CIROZ: variants seen among roughly 807,000 people sequenced by gnomAD.
CIROZ encodes ciliated left-right organizer ZP-N domains-containing protein.
At chr1:10,961,134 T>C in the CIROZ span, among the ~76,000 whole-genome samples, 1 of 152,216 alleles carries the variant, frequency 6.6e-6, no homozygotes, top group African/African-American at 2.4e-5. Context: ...TCTGCTTTTC[T>C]CAGCAATTCG....
At chr1:10,961,501 A>G in the CIROZ span, among the ~76,000 whole-genome samples, 1 of 152,204 alleles carries the variant, frequency 6.6e-6, no homozygotes, top group Non-Finnish European at 1.5e-5. Flanking sequence ...GGGCTGGTGC[A>G]GGGGCCCTTC....
At chr1:10,949,543 C>T in the CIROZ span, 1 of 1,496,546 alleles carries the variant, frequency 6.7e-7, no homozygotes, top group Non-Finnish European at 9.1e-7. Context: ...GGGCCTCAGG[C>T]CCAGCTGGGT....
the CIROZ span, among the ~76,000 whole-genome samples, chr1:10,966,025 G>A: frequency 1.3e-4 from 20 of 152,270 alleles, no homozygotes; most frequent in African/African-American, 4.6e-4. Flanking sequence ...GCCTGTGGGT[G>A]TGACTGCCTC....
At chr1:10,980,713 G>A in the CIROZ span, among the ~76,000 whole-genome samples, 1 of 152,180 alleles carries the variant, frequency 6.6e-6, no homozygotes, top group Non-Finnish European at 1.5e-5. Context: ...TCCGTCTGAT[G>A]CCTGCTCCTG....
At chr1:10,978,511 C>A in the CIROZ span, among the ~76,000 whole-genome samples, 5 of 151,820 alleles carry the variant, frequency 3.3e-5, no homozygotes, top group South Asian at 1.0e-3. Context: ...GAGTTTGAGA[C>A]CAGCCTGGGC....
the CIROZ span, chr1:10,976,028 G>A: frequency 2.9e-6 from 2 of 696,900 alleles, no homozygotes. Context: ...TCCACGCTTT[G>A]GTGAAGGCTT....
the CIROZ span, among the ~76,000 whole-genome samples, chr1:10,975,445 C>G: frequency 6.7e-6 from 1 of 148,710 alleles, no homozygotes; most frequent in African/African-American, 2.5e-5. Context: ...AAAAATTAGC[C>G]AGGTGTGGTG....
the CIROZ span, among the ~76,000 whole-genome samples, chr1:10,980,971 A>T: frequency 6.6e-6 from 1 of 152,190 alleles, no homozygotes; most frequent in South Asian, 2.1e-4. Context: ...TTGTCTACAG[A>T]CTTCAACCTC....
chr1:10,955,089 G>C, the CIROZ span: 1 of 1,614,068 alleles, frequency 6.2e-7, no homozygotes, highest in African/African-American at 1.3e-5. Context: ...GGAGGAATCT[G>C]AGGCTCAGGG....
the CIROZ span, among the ~76,000 whole-genome samples, chr1:10,952,862 G>A: frequency 7.9e-5 from 12 of 152,318 alleles, no homozygotes; most frequent in South Asian, 4.1e-4. Flanking sequence ...CTGCTTGAGA[G>A]CAAGAACCAA....
the CIROZ span, among the ~76,000 whole-genome samples, chr1:10,956,819 C>T: frequency 1.0e-3 from 157 of 152,224 alleles, no homozygotes; most frequent in South Asian, 2.1e-3. Flanking sequence ...ACCCCTACTC[C>T]ACACACACAT....
the CIROZ span, among the ~76,000 whole-genome samples, chr1:10,978,094 G>A: frequency 8.6e-5 from 13 of 151,296 alleles, no homozygotes; most frequent in East Asian, 1.4e-3. Flanking sequence ...GCTTGAACCC[G>A]AGAGGCGGAA....
At chr1:10,954,178 G>C in the CIROZ span, 3 of 1,596,014 alleles carry the variant, frequency 1.9e-6, no homozygotes, top group Non-Finnish European at 2.6e-6. Flanking sequence ...CACATTGGCT[G>C]GGCGCAGTGG....
At chr1:10,975,443 G>T in the CIROZ span, among the ~76,000 whole-genome samples, 1 of 144,960 alleles carries the variant, frequency 6.9e-6, no homozygotes, top group Admixed American at 7.0e-5. Context: ...ACAAAAATTA[G>T]CCAGGTGTGG....
the CIROZ span, among the ~76,000 whole-genome samples, chr1:10,953,658 A>G: frequency 3.3e-5 from 5 of 152,212 alleles, no homozygotes; most frequent in African/African-American, 9.7e-5. Context: ...TCAGTCCTCA[A>G]AATAGGTACT....
At chr1:10,953,103 C>T in the CIROZ span, among the ~76,000 whole-genome samples, 25 of 152,184 alleles carry the variant, frequency 1.6e-4, no homozygotes, top group Non-Finnish European at 3.5e-4. Flanking sequence ...TTCTTTGTTT[C>T]TAATTCTGAA....
the CIROZ span, chr1:10,947,607 T>G: frequency 7.4e-7 from 1 of 1,353,120 alleles, no homozygotes. Context: ...TCCCACCCTT[T>G]GCACTCTACC....
the CIROZ span, chr1:10,954,034 A>G: frequency 1.6e-4 from 250 of 1,612,318 alleles, 3 homozygotes; most frequent in African/African-American, 1.5e-3. Flanking sequence ...CACTGGAAGA[A>G]GCTCTCCACT....
chr1:10,961,953 A>AATAAATGAACAAATGCTTGTTGG, the CIROZ span, among the ~76,000 whole-genome samples: 1 of 152,172 alleles, frequency 6.6e-6, no homozygotes, highest in Non-Finnish European at 1.5e-5. Context: ...TCTCAAAATA[A>AATAAATGAACAAATGCTTGTTGG]ATAAATGAAC....
Sources: allele counts gnomAD v4.1 joint callset (sites outside exome capture counted in the v4.1 genomes callset), GRCh38; gene constraint gnomAD v4.1.1; transcripts MANE v1.5; gene names NCBI Gene and HGNC (gene_info 2026-07-23, HGNC 2026-07-21).